KCNQ5: variants seen among roughly 807,000 people sequenced by gnomAD.
The protein encoded by KCNQ5 is potassium voltage-gated channel subfamily KQT member 5.
KCNQ5 carries 30 observed loss-of-function variants against 98.2 expected under a neutral mutation model. The observed-to-expected ratio is 0.31, with a 90% CI of 0.23 to 0.41. The LOEUF (loss-of-function observed/expected upper bound fraction) is 0.41, where lower values mean the gene tolerates loss of function less well. Ranked by LOEUF, KCNQ5 falls within the 10% of genes least tolerant of loss-of-function variation. KCNQ5 has a pLI of 1.00. For synonymous variants in KCNQ5, 458 were observed against 449.4 expected, an observed-to-expected ratio of 1.02 and a Z score of -0.24; for missense variants, 835 against 1,182.5, an observed-to-expected ratio of 0.71 and a Z score of 4.31.
intron 1 of KCNQ5, among the ~76,000 whole-genome samples, chr6:72,960,460 C>T (rs1767287199): frequency 6.6e-6 from 1 of 152,076 alleles, no homozygotes; most frequent in Non-Finnish European, 1.5e-5. Flanking sequence ...GATGGAGTCT[C>T]ACGCTGTCAC....
chr6:73,132,976 A>G (rs1427921743), intron 9 of KCNQ5, among the ~76,000 whole-genome samples: 2 of 152,264 alleles, frequency 1.3e-5, no homozygotes, highest in African/African-American at 4.8e-5. Context: ...AAATGTAGGT[A>G]TATATGTAAC....
At chr6:73,065,598 G>A (rs1224212651) in intron 3 of KCNQ5, among the ~76,000 whole-genome samples, 6 of 152,118 alleles carry the variant, frequency 3.9e-5, no homozygotes, top group East Asian at 1.9e-4. Flanking sequence ...TTTCCCTGCC[G>A]CTATCATATA....
chr6:72,874,369 A>G lies in KCNQ5; in HGVS notation c.399-129539A>G, dbSNP rs537453843. Among the ~76,000 whole-genome samples, 4 of 152,272 alleles carry G rather than the reference A, an allele frequency of 2.6e-5. No individual in the cohort carries two copies. The South Asian group carries it at 6.2e-4, about 24-fold the overall frequency. On this transcript the variant is annotated intron_variant, in intron 1 of 13. Coordinates refer to ENST00000370398, the MANE Select transcript of KCNQ5 (RefSeq NM_019842.4). ...ATGCACTAAATTTCTTAGATCAGAT[A>G]AGGTAACAAAGTTGTAGAAATGGGG...
intron 10 of KCNQ5, among the ~76,000 whole-genome samples, chr6:73,145,395 C>T (rs1217135303): frequency 6.6e-6 from 1 of 152,206 alleles, no homozygotes; most frequent in Non-Finnish European, 1.5e-5. Context: ...TGCTGCTTAG[C>T]ATGTTTTCTT....
At chr6:72,979,735 CATGAAGT>C (rs1768341807) in intron 1 of KCNQ5, among the ~76,000 whole-genome samples, 1 of 152,182 alleles carries the variant, frequency 6.6e-6, no homozygotes, top group Admixed American at 6.5e-5. Flanking sequence ...ATGTTTTAGT[CATGAAGT>C]CCTCGCCTGT....
chr6:72,695,193 T>C (rs1768422220), intron 1 of KCNQ5, among the ~76,000 whole-genome samples: 1 of 152,204 alleles, frequency 6.6e-6, no homozygotes, highest in Non-Finnish European at 1.5e-5. Context: ...CTATATATAT[T>C]CTAGGACAAC....
chr6:72,758,424 A>T (rs1772085356), intron 1 of KCNQ5, among the ~76,000 whole-genome samples: 1 of 152,106 alleles, frequency 6.6e-6, no homozygotes, highest in African/African-American at 2.4e-5. Context: ...GATTTTAGTA[A>T]TTCATGTGAA....
At chr6:73,131,063 C>T (rs529555144) in intron 9 of KCNQ5, among the ~76,000 whole-genome samples, 1 of 152,068 alleles carries the variant, frequency 6.6e-6, no homozygotes, top group Non-Finnish European at 1.5e-5. Flanking sequence ...TTAAATGATA[C>T]TAAGATTTAG....
intron 1 of KCNQ5, among the ~76,000 whole-genome samples, chr6:72,889,847 A>G (rs994147277): frequency 6.6e-6 from 1 of 152,230 alleles, no homozygotes; most frequent in Non-Finnish European, 1.5e-5. Context: ...CTATGTATCA[A>G]TAATAAATTT....
At chr6:73,055,421 G>A (rs1051334441) in intron 3 of KCNQ5, 101 of 1,523,636 alleles carry the variant, frequency 6.6e-5, no homozygotes, top group Non-Finnish European at 8.8e-5. Flanking sequence ...TGAAGCCCAG[G>A]TGAAGATCTG....
intron 1 of KCNQ5, among the ~76,000 whole-genome samples, chr6:72,949,952 G>GT (rs1468768401): frequency 2.0e-5 from 3 of 151,524 alleles, no homozygotes; most frequent in Non-Finnish European, 2.9e-5. Context: ...CTCTCAAATA[G>GT]TTTTTTATTT....
intron 1 of KCNQ5, among the ~76,000 whole-genome samples, chr6:72,892,244 A>G (rs1016574096): frequency 6.6e-6 from 1 of 152,160 alleles, no homozygotes; most frequent in Non-Finnish European, 1.5e-5. Context: ...ACTCATCTCC[A>G]TCAGCAGCAT....
intron 1 of KCNQ5, among the ~76,000 whole-genome samples, chr6:72,905,745 G>C (rs1239201567): frequency 6.6e-6 from 1 of 152,136 alleles, no homozygotes; most frequent in Non-Finnish European, 1.5e-5. Flanking sequence ...TCTATGATGT[G>C]AACCATCTAT....
chr6:72,806,901 T>C, intron 1 of KCNQ5: 1 of 401,286 alleles, frequency 2.5e-6, no homozygotes, highest in South Asian at 1.8e-5. Context: ...ACAAACAGCT[T>C]TACAGTTTGA....
intron 5 of KCNQ5, among the ~76,000 whole-genome samples, chr6:73,092,187 G>C (rs1774284094): frequency 6.6e-6 from 1 of 151,956 alleles, no homozygotes; most frequent in Admixed American, 6.6e-5. Context: ...CTTGGTCGCT[G>C]TTGGTGTATA....
chr6:72,878,813 T>A (rs1778523472), intron 1 of KCNQ5, among the ~76,000 whole-genome samples: 1 of 152,232 alleles, frequency 6.6e-6, no homozygotes. Flanking sequence ...TTTCAGACTA[T>A]CGTTCTTTCA....
At chr6:73,149,800 A>G (rs1164537634) in intron 10 of KCNQ5, among the ~76,000 whole-genome samples, 2 of 144,886 alleles carry the variant, frequency 1.4e-5, no homozygotes, top group Non-Finnish European at 2.9e-5. Context: ...CCGAAAAAAA[A>G]AAAAAAAGAG....
intron 10 of KCNQ5, among the ~76,000 whole-genome samples, chr6:73,156,863 T>C (rs1179485469): frequency 6.6e-6 from 1 of 152,142 alleles, no homozygotes; most frequent in East Asian, 1.9e-4. Context: ...TTCCTATGAC[T>C]GTTGGCGCAT....
chr6:73,154,950 T>C (rs1289910802), intron 10 of KCNQ5, among the ~76,000 whole-genome samples: 1 of 152,038 alleles, frequency 6.6e-6, no homozygotes, highest in Non-Finnish European at 1.5e-5. Context: ...ATCCCATGAA[T>C]GACAAGGCAC....
Sources: gnomAD v4.1 joint callset for allele counts (sites outside exome capture counted in the v4.1 genomes callset) on GRCh38, gnomAD v4.1.1 for gene constraint, MANE v1.5 for transcripts, NCBI Gene and HGNC (gene_info 2026-07-23, HGNC 2026-07-21) for gene names.